Variants in CARMIL1 observed in about 807,000 individuals in gnomAD.
CARMIL1 encodes F-actin-uncapping protein LRRC16A.
A neutral mutation model predicts 177.1 loss-of-function variants in CARMIL1; 90 were observed. That is an observed-to-expected ratio of 0.51 (90% CI 0.43 to 0.61). The LOEUF is 0.61. Ranked by LOEUF, CARMIL1 falls within the 20% of genes least tolerant of loss-of-function variation. The pLI is 0.00. For missense variants in CARMIL1, 1,380 were observed against 1,667.0 expected, an observed-to-expected ratio of 0.83 and a Z score of 3.00; for synonymous variants, 577 against 606.2, an observed-to-expected ratio of 0.95 and a Z score of 0.71.
intron 31 of CARMIL1, among the ~76,000 whole-genome samples, chr6:25,586,135 G>A (rs1813642344): frequency 6.7e-6 from 1 of 149,710 alleles, no homozygotes. Context: ...GGCCGGGCGG[G>A]GGGTTGCCCC....
intron 2 of CARMIL1, among the ~76,000 whole-genome samples, chr6:25,319,495 G>A (rs933951966): frequency 2.0e-5 from 3 of 152,048 alleles, no homozygotes; most frequent in Admixed American, 1.3e-4. Context: ...TATAAATCTG[G>A]CAGTAGGTAA....
chr6:25,612,818 A>T, intron 36 of CARMIL1: 1 of 985,342 alleles, frequency 1.0e-6, no homozygotes, highest in Non-Finnish European at 1.2e-6. Context: ...AGATCTTCAA[A>T]ACTGTACTCC....
In CARMIL1 at chr6:25,340,703, T is replaced by C. The variant is rs547927773; in HGVS notation, c.138+55794T>C. Among the ~76,000 whole-genome samples, 13 of 148,830 alleles carry C rather than the reference T, an allele frequency of 8.7e-5. No homozygotes were observed. The East Asian group carries it at 1.8e-3, about 21-fold the overall frequency. ...TACATGCTACGAGGGGAAATCCAAA[T>C]GCCTCAATGTACAGGATAGTGGGTC... On this transcript the variant is annotated intron_variant, in intron 2 of 36. Coordinates refer to ENST00000329474, the MANE Select transcript of CARMIL1 (RefSeq NM_017640.6).
intron 29 of CARMIL1, among the ~76,000 whole-genome samples, chr6:25,575,970 C>T (rs546404326): frequency 6.5e-4 from 99 of 152,092 alleles, no homozygotes; most frequent in African/African-American, 2.3e-3. Context: ...AAAAGAAAGC[C>T]CCAGCCCCAG....
chr6:25,330,645 G>A lies in CARMIL1; in HGVS notation c.138+45736G>A, dbSNP rs183348211. 5.8e-3 allele frequency among the ~76,000 whole-genome samples: 879 copies of A among 150,338 alleles called. 6 individuals are homozygous for A. Among genetic ancestry groups the A allele is most frequent in the African/African-American group, 0.02 (798 of 40,740 alleles). ...ACTTGAGCTCAGGAGTTCGAGACCA[G>A]CCTGGGCAACATAGTGAGACGCACC... On this transcript the variant is annotated intron_variant, in intron 2 of 36. Coordinates refer to ENST00000329474, the MANE Select transcript of CARMIL1 (RefSeq NM_017640.6).
chr6:25,492,181 T>G (rs369293636), intron 15 of CARMIL1, among the ~76,000 whole-genome samples, 157 bp downstream of exon 15: 5 of 152,326 alleles, frequency 3.3e-5, no homozygotes, highest in Admixed American at 6.5e-5. Context: ...ACATTCAAGT[T>G]TTTGTTTTAT....
At chr6:25,573,339 G>A (rs948937572) in intron 29 of CARMIL1, among the ~76,000 whole-genome samples, 3 of 152,050 alleles carry the variant, frequency 2.0e-5, no homozygotes, top group Non-Finnish European at 2.9e-5. Flanking sequence ...TACTTTTCAT[G>A]TTAAAGGATG....
chr6:25,581,541 A>G, intron 31 of CARMIL1, 102 bp downstream of exon 31: 1 of 1,071,470 alleles, frequency 9.3e-7, no homozygotes, highest in South Asian at 1.8e-5. Flanking sequence ...CATGAAAGCT[A>G]TGGTTAAGGA....
chr6:25,466,973 C>T (rs1241848511), intron 9 of CARMIL1, among the ~76,000 whole-genome samples: 1 of 152,160 alleles, frequency 6.6e-6, no homozygotes. Context: ...TTCCTGCACA[C>T]CTGTTATTGT....
chr6:25,564,604 CT>C (rs1002802789), intron 29 of CARMIL1, among the ~76,000 whole-genome samples: 11 of 152,108 alleles, frequency 7.2e-5, no homozygotes, highest in Non-Finnish European at 1.2e-4. Context: ...TGCCTTCTGT[CT>C]TATGGACACG....
chr6:25,295,324 T>C (rs945264501), intron 2 of CARMIL1, among the ~76,000 whole-genome samples: 5 of 152,212 alleles, frequency 3.3e-5, no homozygotes, highest in Non-Finnish European at 7.3e-5. Context: ...GAAAGCATGA[T>C]ACTCCATTTA....
intron 8 of CARMIL1, among the ~76,000 whole-genome samples, chr6:25,459,266 C>CTTTCTTTCTTTCTTT: frequency 1.2e-4 from 9 of 73,766 alleles, no homozygotes; most frequent in African/African-American, 3.9e-4. Context: ...TTCTTTCTTT[C>CTTTCTTTCTTTCTTT]TTTTTTTTTT....
At chr6:25,618,932 C>G (rs1447612562) in intron 36 of CARMIL1, among the ~76,000 whole-genome samples, 2 of 152,202 alleles carry the variant, frequency 1.3e-5, no homozygotes, top group African/African-American at 4.8e-5. Context: ...GACAAAGATT[C>G]CTGAGGCCTT....
intron 2 of CARMIL1, among the ~76,000 whole-genome samples, chr6:25,362,015 A>C (rs1266599873): frequency 2.0e-5 from 3 of 152,206 alleles, no homozygotes; most frequent in African/African-American, 7.2e-5. Flanking sequence ...ATTTTAAAAA[A>C]TTCTTTTGAA....
At chr6:25,579,172 A>G (rs1006424656) in intron 29 of CARMIL1, among the ~76,000 whole-genome samples, 17 of 150,458 alleles carry the variant, frequency 1.1e-4, no homozygotes, top group Admixed American at 1.1e-3. Context: ...TTTATTTGGT[A>G]TCATAAAGAC....
chr6:25,542,102 A>T (rs1353191730), intron 26 of CARMIL1, among the ~76,000 whole-genome samples: 2 of 152,250 alleles, frequency 1.3e-5, no homozygotes, highest in African/African-American at 4.8e-5. Flanking sequence ...AACTTATTCC[A>T]TACTGAAAAT....
intron 22 of CARMIL1, among the ~76,000 whole-genome samples, chr6:25,519,044 T>G (rs9393648): frequency 0.12 from 18,596 of 152,282 alleles, 1,618 homozygotes; most frequent in East Asian, 0.41. Context: ...ACTCTATAAG[T>G]TGGACTGGGT....
intron 20 of CARMIL1, among the ~76,000 whole-genome samples, chr6:25,513,787 TAG>T (rs1805688180): frequency 6.6e-6 from 1 of 152,172 alleles, no homozygotes; most frequent in South Asian, 2.1e-4. Flanking sequence ...AACTTGGTCA[TAG>T]ATTACCCCAG....
At chr6:25,541,314 T>C (rs1224636799) in intron 26 of CARMIL1, among the ~76,000 whole-genome samples, 1 of 152,238 alleles carries the variant, frequency 6.6e-6, no homozygotes, top group African/African-American at 2.4e-5. Context: ...TAAGTGATAA[T>C]ACTATACATA....
Sources: gnomAD v4.1 joint callset for allele counts (sites outside exome capture counted in the v4.1 genomes callset) on GRCh38, gnomAD v4.1.1 for gene constraint, MANE v1.5 for transcripts, NCBI Gene and HGNC (gene_info 2026-07-23, HGNC 2026-07-21) for gene names.